ZNF385D: variants seen among roughly 807,000 people sequenced by gnomAD.
ZNF385D encodes the protein zinc finger protein 385D.
Under a neutral mutation model 35.8 loss-of-function variants are expected in ZNF385D, and 15 were observed. The observed-to-expected ratio is 0.42, with a 90% confidence interval of 0.28 to 0.64. ZNF385D has a LOEUF of 0.64. ZNF385D is among the 30% of genes least tolerant of loss of function. ZNF385D has a pLI of 0.23. For synonymous variants in ZNF385D, 212 were observed against 186.8 expected, an observed-to-expected ratio of 1.13 and a Z score of -1.10; for missense variants, 474 against 494.6, an observed-to-expected ratio of 0.96 and a Z score of 0.39.
At chr3:22,227,738 T>C (rs985403200) in intron 2 of ZNF385D, among the ~76,000 whole-genome samples, 13 of 152,182 alleles carry the variant, frequency 8.5e-5, no homozygotes, top group South Asian at 2.1e-4. Context: ...ACCCTTTTCA[T>C]GGCAATGACT....
intron 3 of ZNF385D, among the ~76,000 whole-genome samples, chr3:21,757,516 C>G (rs1189089118): frequency 2.0e-5 from 3 of 152,056 alleles, no homozygotes; most frequent in Non-Finnish European, 4.4e-5. Context: ...ATTTAATAAC[C>G]AGCATTGAGA....
intron 3 of ZNF385D, among the ~76,000 whole-genome samples, chr3:22,006,669 A>G (rs1187000381): frequency 1.3e-5 from 2 of 152,074 alleles, no homozygotes; most frequent in African/African-American, 4.8e-5. Context: ...TTAAGAAATA[A>G]TGCCTTTATT....
intron 2 of ZNF385D, among the ~76,000 whole-genome samples, chr3:22,272,444 A>T (rs543809553): frequency 2.0e-5 from 3 of 152,132 alleles, no homozygotes; most frequent in Non-Finnish European, 4.4e-5. Context: ...CAAGAAATAT[A>T]TATGTTGACT....
At chr3:21,774,124 A>G (rs35493355) in intron 3 of ZNF385D, among the ~76,000 whole-genome samples, 45,993 of 151,884 alleles carry the variant, frequency 0.3, 7,767 homozygotes, top group Middle Eastern at 0.47. Flanking sequence ...TTTCAGGGAC[A>G]TGGATGGAGC....
chr3:21,748,741 G>A (rs919602242), intron 1 of ZNF385D, among the ~76,000 whole-genome samples: 1 of 152,118 alleles, frequency 6.6e-6, no homozygotes, highest in African/African-American at 2.4e-5. Context: ...ACCTGAAATC[G>A]CTACAATTTT....
chr3:22,247,784 T>C (rs1218587067), intron 2 of ZNF385D, among the ~76,000 whole-genome samples: 5 of 151,966 alleles, frequency 3.3e-5, no homozygotes, highest in Middle Eastern at 3.2e-3. Flanking sequence ...TTTGTACTTT[T>C]AGTAGAGACG....
intron 3 of ZNF385D, among the ~76,000 whole-genome samples, chr3:22,111,612 A>T (rs1702541256): frequency 6.6e-6 from 1 of 152,118 alleles, no homozygotes; most frequent in African/African-American, 2.4e-5. Context: ...GATTCCCTAT[A>T]TATTTCCTTT....
At chr3:22,252,119 G>A (rs1183872438) in intron 2 of ZNF385D, among the ~76,000 whole-genome samples, 1 of 151,970 alleles carries the variant, frequency 6.6e-6, no homozygotes, top group Non-Finnish European at 1.5e-5. Context: ...AAAGACTTTT[G>A]TTTTCCTCTA....
chr3:22,138,368 A>C (rs1199023735), intron 3 of ZNF385D, among the ~76,000 whole-genome samples: 3 of 152,306 alleles, frequency 2.0e-5, no homozygotes, highest in African/African-American at 7.2e-5. Flanking sequence ...AGTGAGTCCT[A>C]AGCCAAAAGA....
chr3:21,834,941 T>C (rs1230459492), intron 3 of ZNF385D, among the ~76,000 whole-genome samples: 1 of 152,138 alleles, frequency 6.6e-6, no homozygotes, highest in Non-Finnish European at 1.5e-5. Flanking sequence ...TGTAGAATGG[T>C]GAGTCAATTG....
At chr3:22,180,669 A>T (rs1163281539) in intron 2 of ZNF385D, among the ~76,000 whole-genome samples, 1 of 152,188 alleles carries the variant, frequency 6.6e-6, no homozygotes, top group Non-Finnish European at 1.5e-5. Context: ...ATATAAACAG[A>T]ACCAATGACA....
intron 3 of ZNF385D, among the ~76,000 whole-genome samples, chr3:21,796,028 G>A (rs187856964): frequency 1.2e-4 from 18 of 152,292 alleles, no homozygotes; most frequent in Admixed American, 1.0e-3. Flanking sequence ...TACTATCATA[G>A]CAGAGTCCAG....
At chr3:22,348,161 A>G (rs1695744636) in intron 2 of ZNF385D, among the ~76,000 whole-genome samples, 1 of 152,138 alleles carries the variant, frequency 6.6e-6, no homozygotes, top group African/African-American at 2.4e-5. Flanking sequence ...GCTTTTTCTT[A>G]AGTAATATAA....
At chr3:21,579,860 C>T (rs942821397) in intron 2 of ZNF385D, 18 of 151,866 alleles carry the variant, frequency 1.2e-4, no homozygotes, top group African/African-American at 2.2e-4. Flanking sequence ...CTCTCTGTCT[C>T]GGTGCCCAAA....
intron 2 of ZNF385D, among the ~76,000 whole-genome samples, chr3:22,196,095 T>C (rs554103428): frequency 4.7e-4 from 72 of 152,166 alleles, no homozygotes; most frequent in Admixed American, 9.2e-4. Flanking sequence ...ACCTGTGTGA[T>C]GAAATACTGT....
intron 4 of ZNF385D, among the ~76,000 whole-genome samples, chr3:21,459,139 A>T (rs1470220412): frequency 6.6e-6 from 1 of 152,130 alleles, no homozygotes; most frequent in African/African-American, 2.4e-5. Context: ...AAGTCTCAAG[A>T]CAGGAGACAG....
At chr3:21,752,335 A>C (rs566766729), upstream of ZNF385D, among the ~76,000 whole-genome samples, 25 of 152,340 alleles carry the variant, frequency 1.6e-4, no homozygotes, top group African/African-American at 5.8e-4. Context: ...AAATATAAAC[A>C]AAGAACTGTA....
intron 2 of ZNF385D, among the ~76,000 whole-genome samples, chr3:22,270,741 A>C (rs1268788662): frequency 6.6e-6 from 1 of 151,984 alleles, no homozygotes; most frequent in Non-Finnish European, 1.5e-5. Context: ...AATATGTTAT[A>C]TACCTCTTGA....
At chr3:21,692,834 G>A (rs1224324864) in intron 1 of ZNF385D, among the ~76,000 whole-genome samples, 1 of 152,164 alleles carries the variant, frequency 6.6e-6, no homozygotes, top group African/African-American at 2.4e-5. Context: ...GTCTCAGGCA[G>A]AATAACCATG....
Sources: allele counts gnomAD v4.1 joint callset (sites outside exome capture counted in the v4.1 genomes callset), GRCh38; gene constraint gnomAD v4.1.1; transcripts MANE v1.5; gene names NCBI Gene and HGNC (gene_info 2026-07-23, HGNC 2026-07-21).